The following SLC9A9 variants were observed in gnomAD, a reference collection of about 807,000 sequenced individuals.
SLC9A9 encodes the protein sodium/hydrogen exchanger 9.
SLC9A9 carries 62 observed loss-of-function variants against 77.8 expected under a neutral mutation model. That is an observed-to-expected ratio of 0.80 (90% CI 0.65 to 0.98). The LOEUF is 0.98. Ranked by LOEUF, SLC9A9 falls within the 50% of genes least tolerant of loss-of-function variation. The pLI, the probability that SLC9A9 is intolerant of heterozygous loss-of-function variation, is 0.00. For synonymous variants in SLC9A9, 320 were observed against 283.5 expected, an observed-to-expected ratio of 1.13 and a Z score of -1.29; for missense variants, 775 against 774.9, an observed-to-expected ratio of 1.00 and a Z score of 0.00.
At chr3:143,730,210 G>C (rs1228300674) in intron 4 of SLC9A9, among the ~76,000 whole-genome samples, 2 of 152,186 alleles carry the variant, frequency 1.3e-5, no homozygotes, top group African/African-American at 4.8e-5. Flanking sequence ...CCCTTTGAAA[G>C]CGTGGTATTT....
intron 14 of SLC9A9, among the ~76,000 whole-genome samples, chr3:143,292,596 T>C (rs2030059415): frequency 6.6e-6 from 1 of 152,118 alleles, no homozygotes. Flanking sequence ...CCTAGAGCTA[T>C]AAAACGAGGT....
chr3:143,659,143 AT>A (rs1368346465), intron 5 of SLC9A9, among the ~76,000 whole-genome samples: 1 of 152,090 alleles, frequency 6.6e-6, no homozygotes, highest in Non-Finnish European at 1.5e-5. Context: ...TCACTTCAGC[AT>A]TTTTCCTTTT....
chr3:143,665,330 A>G (rs1039859106), intron 5 of SLC9A9, among the ~76,000 whole-genome samples: 26 of 152,244 alleles, frequency 1.7e-4, no homozygotes, highest in African/African-American at 5.8e-4. Context: ...GGACACATTT[A>G]AAGCAGTGTG....
intron 8 of SLC9A9, among the ~76,000 whole-genome samples, chr3:143,553,483 C>T (rs149097551): frequency 6.6e-6 from 1 of 152,266 alleles, no homozygotes; most frequent in East Asian, 1.9e-4. Context: ...TAAAAACACT[C>T]ATAAATTAAA....
intron 5 of SLC9A9, among the ~76,000 whole-genome samples, chr3:143,663,424 G>A (rs537479824): frequency 1.3e-5 from 2 of 152,342 alleles, no homozygotes; most frequent in South Asian, 4.1e-4. Flanking sequence ...AAGAATCGCA[G>A]CTTCTCGCCA....
rs77535158 is a variant in SLC9A9, at chr3:143,475,652, C to A, written c.1316-8462G>T. 7.3e-3 allele frequency among the ~76,000 whole-genome samples: 1,109 copies of A among 151,964 alleles called. 22 individuals carry two copies. Among genetic ancestry groups the A allele is most frequent in the African/African-American group, 0.025 (1,057 of 41,462 alleles). On this transcript the variant is annotated intron_variant, in intron 11 of 15. Coordinates refer to ENST00000316549, the MANE Select transcript of SLC9A9 (RefSeq NM_173653.4). ...CTACAAGTACAAAAAATTAGCTGGG[C>A]GTGGTGGTGAATGCCTGTAGTCCCA...
intron 14 of SLC9A9, among the ~76,000 whole-genome samples, chr3:143,278,240 A>G (rs1393068): frequency 0.048 from 7,287 of 152,278 alleles, 178 homozygotes; most frequent in Non-Finnish European, 0.051. Context: ...AGAGGAAACT[A>G]CCTTCAGTGC....
At chr3:143,700,282 G>A (rs1933758773) in intron 4 of SLC9A9, among the ~76,000 whole-genome samples, 2 of 152,128 alleles carry the variant, frequency 1.3e-5, no homozygotes. Flanking sequence ...GCTATGGGAA[G>A]AGTCTCCTTC....
intron 14 of SLC9A9, among the ~76,000 whole-genome samples, chr3:143,302,410 AC>A (rs1319184687): frequency 1.3e-5 from 2 of 152,246 alleles, no homozygotes; most frequent in African/African-American, 4.8e-5. Context: ...AAAGAAAAAA[AC>A]ATTGAAGGTG....
intron 12 of SLC9A9, among the ~76,000 whole-genome samples, chr3:143,447,854 A>C (rs1476478414): frequency 6.6e-6 from 1 of 152,188 alleles, no homozygotes; most frequent in African/African-American, 2.4e-5. Flanking sequence ...ATAGGGCAGG[A>C]ATGAAAGGTG....
At chr3:143,279,791 T>C (rs1317009752) in intron 14 of SLC9A9, among the ~76,000 whole-genome samples, 2 of 152,112 alleles carry the variant, frequency 1.3e-5, no homozygotes, top group African/African-American at 4.8e-5. Context: ...ATATGGGGCA[T>C]TAGATTTTTA....
At chr3:143,518,035 C>T in intron 9 of SLC9A9, 6 of 1,439,198 alleles carry the variant, frequency 4.2e-6, no homozygotes, top group Admixed American at 1.7e-5. Context: ...AGTCTTCCTC[C>T]ACCTTCTTAC....
intron 2 of SLC9A9, among the ~76,000 whole-genome samples, chr3:143,828,340 T>C (rs4839670): frequency 0.79 from 119,378 of 152,052 alleles, 52,426 homozygotes; most frequent in South Asian, 0.96. Context: ...TATTCATTCA[T>C]TCATTGTTTA....
At chr3:143,825,604 G>A (rs564496502) in intron 2 of SLC9A9, among the ~76,000 whole-genome samples, 2 of 152,266 alleles carry the variant, frequency 1.3e-5, no homozygotes, top group South Asian at 2.1e-4. Flanking sequence ...TTGCAGCTTG[G>A]CAATTCTCTT....
chr3:143,453,441 T>C (rs2035040434), intron 12 of SLC9A9, among the ~76,000 whole-genome samples: 2 of 152,108 alleles, frequency 1.3e-5, no homozygotes, highest in African/African-American at 2.4e-5. Context: ...CTAATTCAAA[T>C]TTATTATTAT....
At chr3:143,513,765 C>A (rs573322006) in intron 9 of SLC9A9, among the ~76,000 whole-genome samples, 5 of 152,320 alleles carry the variant, frequency 3.3e-5, no homozygotes, top group Admixed American at 6.5e-5. Flanking sequence ...CAACATTCAC[C>A]TCTTTGCACA....
chr3:143,268,533 A>T (rs796271043), intron 15 of SLC9A9, among the ~76,000 whole-genome samples: 10 of 152,082 alleles, frequency 6.6e-5, no homozygotes, highest in African/African-American at 2.2e-4. Context: ...GGAGATTGAG[A>T]CCATCCTGGG....
At chr3:143,379,703 G>A (rs1576459164) in intron 13 of SLC9A9, among the ~76,000 whole-genome samples, 1 of 152,102 alleles carries the variant, frequency 6.6e-6, no homozygotes, top group Non-Finnish European at 1.5e-5. Context: ...CTTGAGGAGA[G>A]GGTATTATTT....
At chr3:143,455,054 T>C (rs112190416) in intron 12 of SLC9A9, among the ~76,000 whole-genome samples, 1,559 of 152,288 alleles carry the variant, frequency 0.01, 22 homozygotes, top group African/African-American at 0.035. Flanking sequence ...ATATTTGCAG[T>C]TCCAAGGATT....
Sources: gnomAD v4.1 joint callset for allele counts (sites outside exome capture counted in the v4.1 genomes callset) on GRCh38, gnomAD v4.1.1 for gene constraint, MANE v1.5 for transcripts, NCBI Gene and HGNC (gene_info 2026-07-23, HGNC 2026-07-21) for gene names.